SYNPR: variants seen among roughly 807,000 people sequenced by gnomAD.
The protein encoded by SYNPR is synaptoporin.
A neutral mutation model predicts 32.9 loss-of-function variants in SYNPR; 23 were observed. The ratio of observed to expected loss-of-function variants is 0.70; its 90% confidence interval spans 0.50 to 0.99. The LOEUF is 0.99. Among genes scored for constraint, SYNPR ranks in the 50% least tolerant of loss-of-function variants. The pLI, the probability that SYNPR is intolerant of heterozygous loss-of-function variation, is 0.00. For synonymous variants in SYNPR, 146 were observed against 135.9 expected, an observed-to-expected ratio of 1.07 and a Z score of -0.52; for missense variants, 318 against 349.3, an observed-to-expected ratio of 0.91 and a Z score of 0.71.
chr3:63,476,732 C>G (rs1700935142), intron 2 of SYNPR, among the ~76,000 whole-genome samples: 1 of 152,166 alleles, frequency 6.6e-6, no homozygotes, highest in Non-Finnish European at 1.5e-5. Flanking sequence ...CAGGTGTTAG[C>G]TTAAATGTAA....
At chr3:63,281,049 G>A (rs993235599) in intron 2 of SYNPR, among the ~76,000 whole-genome samples, 1 of 152,140 alleles carries the variant, frequency 6.6e-6, no homozygotes, top group African/African-American at 2.4e-5. Flanking sequence ...TGAACAGAGG[G>A]AAAGAACATA....
chr3:63,467,939 C>T (rs1053220760), intron 2 of SYNPR, among the ~76,000 whole-genome samples: 1 of 152,038 alleles, frequency 6.6e-6, no homozygotes, highest in Non-Finnish European at 1.5e-5. Context: ...GTGGCTCACA[C>T]CTGTAATCCC....
At chr3:63,595,833 TTA>T (rs529010294) in intron 4 of SYNPR, among the ~76,000 whole-genome samples, 6 of 56,318 alleles carry the variant, frequency 1.1e-4, no homozygotes, top group South Asian at 5.3e-4. Flanking sequence ...ATATATATAG[TTA>T]TATATATAGT....
intron 3 of SYNPR, among the ~76,000 whole-genome samples, chr3:63,515,764 T>C (rs1270189216): frequency 6.6e-6 from 1 of 152,152 alleles, no homozygotes; most frequent in African/African-American, 2.4e-5. Flanking sequence ...TGAAAAGACA[T>C]GTTGTGTGTT....
At chr3:63,270,860 T>TTTCC (rs3082060) in intron 3 of SYNPR, among the ~76,000 whole-genome samples, 1,387 of 84,048 alleles carry the variant, frequency 0.017, 65 homozygotes, top group African/African-American at 0.044. Flanking sequence ...CTCTCCCTTC[T>TTTCC]TTCCTTCCTT....
At position 63,283,840 on chromosome 3, in the gene SYNPR, C is replaced by T. The variant is rs1186718072; in HGVS notation, c.84+5098C>T. ...TTTTTTTTTTTTTTTTTTTTTGAGA[C>T]GGAGTCTCGCTAGGCTGCCCAGGCT... On this transcript the variant is annotated intron_variant, in intron 2 of 5. Coordinates refer to ENST00000478300, the MANE Select transcript of SYNPR (RefSeq NM_001130003.2). 1.2e-4 allele frequency among the ~76,000 whole-genome samples: 13 copies of T among 105,190 alleles called. 1 individual carries two copies. The highest frequency in any genetic ancestry group is 5.4e-4 in the African/African-American group (13 of 24,004). The allele number at this position is 105,190 out of a possible 152,430, so 69.0% of individuals were successfully genotyped here. A position where few individuals can be genotyped will look rare whatever the true frequency, so the allele number is the denominator to read the frequency against.
At chr3:63,218,605 C>T in the SYNPR span, among the ~76,000 whole-genome samples, 2 of 152,172 alleles carry the variant, frequency 1.3e-5, no homozygotes, top group Non-Finnish European at 2.9e-5. Context: ...AAACTCTTTG[C>T]TTTTTGCCTC....
intron 1 of SYNPR, among the ~76,000 whole-genome samples, chr3:63,240,053 G>T (rs951116508): frequency 6.6e-6 from 1 of 152,134 alleles, no homozygotes; most frequent in African/African-American, 2.4e-5. Context: ...ATGTGAGACA[G>T]GGGAGGTTAT....
chr3:63,339,590 A>T (rs1480851102), intron 2 of SYNPR, among the ~76,000 whole-genome samples: 5 of 151,828 alleles, frequency 3.3e-5, no homozygotes, highest in Admixed American at 3.3e-4. Context: ...CTGTACTCTA[A>T]TGAATGTATA....
At chr3:63,543,905 A>G (rs1273421095) in intron 3 of SYNPR, among the ~76,000 whole-genome samples, 1 of 152,044 alleles carries the variant, frequency 6.6e-6, no homozygotes, top group Non-Finnish European at 1.5e-5. Flanking sequence ...AGGTTAATCC[A>G]AAGACCTTGG....
At chr3:63,455,261 T>C (rs564768465) in intron 2 of SYNPR, among the ~76,000 whole-genome samples, 2 of 152,206 alleles carry the variant, frequency 1.3e-5, no homozygotes, top group African/African-American at 2.4e-5. Context: ...TTCTAATTAT[T>C]ATAACTCTTA....
exon 2 of SYNPR, chr3:63,252,520 G>T (rs2086341468): frequency 6.6e-6 from 1 of 152,064 alleles, no homozygotes; most frequent in South Asian, 2.1e-4. Flanking sequence ...GTTACACTGC[G>T]CCTTTAAGGA....
At chr3:63,490,478 G>C (rs901962268) in intron 3 of SYNPR, among the ~76,000 whole-genome samples, 1 of 152,084 alleles carries the variant, frequency 6.6e-6, no homozygotes, top group African/African-American at 2.4e-5. Flanking sequence ...AGGTCAGTAA[G>C]GAGGTGGCTG....
At chr3:63,222,401 T>C in the SYNPR span, among the ~76,000 whole-genome samples, 1 of 152,212 alleles carries the variant, frequency 6.6e-6, no homozygotes, top group Non-Finnish European at 1.5e-5. Context: ...TTTTATCTTT[T>C]AAAACATGCC....
At chr3:63,387,566 GC>G (rs1479681897) in intron 2 of SYNPR, among the ~76,000 whole-genome samples, 1 of 152,102 alleles carries the variant, frequency 6.6e-6, no homozygotes, top group African/African-American at 2.4e-5. Context: ...CTCTTCAGCA[GC>G]CAAAACAAAA....
chr3:63,498,775 G>T (rs1376851286), intron 3 of SYNPR, among the ~76,000 whole-genome samples: 1 of 151,874 alleles, frequency 6.6e-6, no homozygotes, highest in Admixed American at 6.6e-5. Context: ...GCCCGATAAG[G>T]CGTGTGAATT....
At chr3:63,607,064 C>CTT (rs1559549762) in intron 4 of SYNPR, among the ~76,000 whole-genome samples, 1 of 152,134 alleles carries the variant, frequency 6.6e-6, no homozygotes, top group African/African-American at 2.4e-5. Context: ...CATGACTATT[C>CTT]TTTTTTAAGT....
At chr3:63,419,835 A>G (rs1024780471) in intron 2 of SYNPR, among the ~76,000 whole-genome samples, 3 of 152,212 alleles carry the variant, frequency 2.0e-5, no homozygotes, top group Non-Finnish European at 2.9e-5. Context: ...AACAGAGAAC[A>G]TATCATTTTA....
At chr3:63,262,835 A>G (rs1039999615) in intron 2 of SYNPR, among the ~76,000 whole-genome samples, 2 of 152,224 alleles carry the variant, frequency 1.3e-5, no homozygotes, top group African/African-American at 4.8e-5. Flanking sequence ...CGTAACTCCA[A>G]TGGTAACACT....
Sources: allele counts gnomAD v4.1 joint callset (sites outside exome capture counted in the v4.1 genomes callset), GRCh38; gene constraint gnomAD v4.1.1; transcripts MANE v1.5; gene names NCBI Gene and HGNC (gene_info 2026-07-23, HGNC 2026-07-21).